Variants in FGD3 observed in about 807,000 individuals in gnomAD.
FGD3 encodes the protein FYVE, RhoGEF and PH domain-containing protein 3.
FGD3 carries 45 observed loss-of-function variants against 71.8 expected under a neutral mutation model. That is an observed-to-expected ratio of 0.63 (90% CI 0.49 to 0.80). The LOEUF is 0.80. FGD3 is among the 30% of genes least tolerant of loss of function. The pLI, the probability that FGD3 is intolerant of heterozygous loss-of-function variation, is 0.00. For missense variants in FGD3, 844 were observed against 951.5 expected, an observed-to-expected ratio of 0.89 and a Z score of 1.49; for synonymous variants, 378 against 392.8, an observed-to-expected ratio of 0.96 and a Z score of 0.44.
At chr9:92,978,020 C>T (rs1292692176) in intron 3 of FGD3, among the ~76,000 whole-genome samples, 1 of 152,176 alleles carries the variant, frequency 6.6e-6, no homozygotes, top group Non-Finnish European at 1.5e-5. Flanking sequence ...CGGTGGCTCA[C>T]GCCTATAATC....
intron 1 of FGD3, among the ~76,000 whole-genome samples, chr9:92,961,513 T>G (rs1007974978): frequency 1.3e-5 from 2 of 152,334 alleles, no homozygotes; most frequent in Admixed American, 6.5e-5. Context: ...TGGTGGTTGC[T>G]TCTCCACTGT....
chr9:93,035,250 G>C (rs1413517114), intron 17 of FGD3, 88 bp from the exon 18 acceptor site: 1 of 1,518,054 alleles, frequency 6.6e-7, no homozygotes, highest in Non-Finnish European at 8.8e-7. Context: ...GGGTCTGGGA[G>C]TGGCCTCCTG....
chr9:92,951,484 C>A (rs1432948355), intron 1 of FGD3, among the ~76,000 whole-genome samples: 1 of 152,174 alleles, frequency 6.6e-6, no homozygotes, highest in Non-Finnish European at 1.5e-5. Flanking sequence ...CAAGACCAGG[C>A]TGGGCAACAT....
At chr9:92,978,282 CAA>C (rs372703604) in intron 3 of FGD3, among the ~76,000 whole-genome samples, 16 of 85,048 alleles carry the variant, frequency 1.9e-4, no homozygotes, top group Non-Finnish European at 2.1e-4. Context: ...AACTCCATCT[CAA>C]AAAAAAAAAA....
chr9:92,983,350 G>A lies in FGD3; in HGVS notation c.453+6641G>A, dbSNP rs144409265. 1.9e-3 allele frequency among the ~76,000 whole-genome samples: 290 copies of A among 151,420 alleles called. 3 individuals carry two copies. In the East Asian group the frequency reaches 0.029, roughly 15 times the overall value. ...ATCCTGACTAATATGGTGAAACCCC[G>A]TCTCTACTAAAAATACAAAAAAAAA... On this transcript the variant is annotated intron_variant, in intron 3 of 17. Transcript: ENST00000375482.
intron 3 of FGD3, among the ~76,000 whole-genome samples, chr9:92,985,063 G>C (rs941788367): frequency 1.3e-5 from 2 of 152,186 alleles, no homozygotes; most frequent in African/African-American, 2.4e-5. Flanking sequence ...CTGTCCTGGG[G>C]GCCCTTCAGC....
chr9:92,965,109 G>T (rs977037927), intron 1 of FGD3, among the ~76,000 whole-genome samples: 1 of 152,178 alleles, frequency 6.6e-6, no homozygotes, highest in Admixed American at 6.5e-5. Context: ...CGGCAGTGGC[G>T]GCACAACCCG....
At position 93,022,217 on chromosome 9, in the gene FGD3, C is replaced by G. The variant is rs1439480399; in HGVS notation, c.1495-110C>G. The G allele has an allele frequency of 6.6e-6, 7 of 1,059,398 alleles. No homozygotes were observed. The East Asian group carries it at 1.5e-4, about 23-fold the overall frequency. The allele number at this position is 1,059,398 out of a possible 1,614,324, so 65.6% of individuals were successfully genotyped here. A position where few individuals can be genotyped will look rare whatever the true frequency, so the allele number is the denominator to read the frequency against. On this transcript the variant is annotated intron_variant, in intron 13 of 17. Transcript: ENST00000375482. ...AGGCCTGGGAAATCCTGCTCCCGAG[C>G]CTGCCCTCAATGCACAGAGGTGCTG...
chr9:93,020,394 T>C lies in FGD3; in HGVS notation c.1464T>C (p.Asp488=). 1 of 1,612,736 alleles carries C rather than the reference T, an allele frequency of 6.2e-7. No homozygotes were observed. The highest frequency in any genetic ancestry group is 8.5e-7 in the Non-Finnish European group (1 of 1,179,822). ...FKAFGGAFSQ[D]EDPSLSPDMP... is the part of the protein sequence containing the mutation. ...CTTTTGGTGGCGCCTTCAGCCAGGA[T>C]GAGGACCCCAGCCTCTCTCCAGACA... Residue 488 remains aspartate, a synonymous_variant, in exon 13 of 18, where the codon GAT becomes GAC. Coordinates refer to ENST00000375482, the MANE Select transcript of FGD3 (RefSeq NM_001083536.2).
At chr9:93,031,025 G>T (rs1378498617) in intron 15 of FGD3, among the ~76,000 whole-genome samples, 1 of 152,026 alleles carries the variant, frequency 6.6e-6, no homozygotes, top group Admixed American at 6.5e-5. Context: ...TAGATGAATG[G>T]TTGGATGGAT....
chr9:92,990,880 C>CT (rs1178678656), intron 3 of FGD3, among the ~76,000 whole-genome samples: 1 of 151,968 alleles, frequency 6.6e-6, no homozygotes, highest in Non-Finnish European at 1.5e-5. Context: ...CTGTAGTTTT[C>CT]TTTTTTGTTG....
At chr9:93,019,719 TGC>T (rs1194834058) in intron 11 of FGD3, 110 bp from the exon 12 acceptor site, 5 of 1,024,410 alleles carry the variant, frequency 4.9e-6, no homozygotes, top group Non-Finnish European at 7.6e-6. Flanking sequence ...ATCCTTGAGC[TGC>T]GTTGACAAGC....
At chr9:93,014,193 A>G (rs2118762511) in intron 9 of FGD3, among the ~76,000 whole-genome samples, 195 bp downstream of exon 9, 1 of 152,180 alleles carries the variant, frequency 6.6e-6, no homozygotes, top group African/African-American at 2.4e-5. Flanking sequence ...CCACATCCAG[A>G]CACCAAACTT....
At chr9:92,961,992 A>G (rs532479548) in intron 1 of FGD3, among the ~76,000 whole-genome samples, 7 of 152,286 alleles carry the variant, frequency 4.6e-5, no homozygotes, top group African/African-American at 7.2e-5. Context: ...GGTCAGCTCT[A>G]TTCACAGTGG....
chr9:93,001,591 G>A (rs1860860986), intron 3 of FGD3, among the ~76,000 whole-genome samples: 1 of 152,154 alleles, frequency 6.6e-6, no homozygotes, highest in Admixed American at 6.5e-5. Context: ...ACCCAAGATG[G>A]GTCCTGGCAC....
intron 1 of FGD3, among the ~76,000 whole-genome samples, chr9:92,961,938 C>T (rs988049790): frequency 2.5e-4 from 38 of 152,212 alleles, no homozygotes; most frequent in African/African-American, 8.9e-4. Context: ...TTGGAAGTCA[C>T]CTTCATCATT....
At chr9:92,962,316 G>T (rs964940397) in intron 1 of FGD3, among the ~76,000 whole-genome samples, 1 of 152,220 alleles carries the variant, frequency 6.6e-6, no homozygotes, top group Non-Finnish European at 1.5e-5. Flanking sequence ...ACCTGGGTTT[G>T]TGTCCCTGGT....
chr9:92,986,594 T>C (rs1860195571), intron 3 of FGD3, among the ~76,000 whole-genome samples: 1 of 152,176 alleles, frequency 6.6e-6, no homozygotes, highest in African/African-American at 2.4e-5. Flanking sequence ...GGGCTTGGGG[T>C]AAGAACTTGC....
rs1182083868 is a variant in FGD3 at position 92,969,556 on chromosome 9, C to T, written c.-217-5682C>T. 6.6e-6 allele frequency among the ~76,000 whole-genome samples: 1 copy of T among 152,216 alleles called. No homozygotes were observed. Among genetic ancestry groups the T allele is most frequent in the Non-Finnish European group, 1.5e-5 (1 of 68,034 alleles). Reference sequence around the variant, plus strand: ...ATAACATGCCATTGTTATGGAGCCTCCTGTGTGCCGGGGGCCACTGGGCCA... The same window carrying T: ...ATAACATGCCATTGTTATGGAGCCTTCTGTGTGCCGGGGGCCACTGGGCCA... On this transcript the variant is annotated intron_variant, in intron 1 of 17. Transcript: ENST00000375482. The surrounding 1 kb of genome is among the most constrained non-coding windows in gnomAD (Gnocchi z 4.5).
Sources: allele counts gnomAD v4.1 joint callset (sites outside exome capture counted in the v4.1 genomes callset), GRCh38; gene constraint gnomAD v4.1.1; non-coding constraint Gnocchi (gnomAD v3.1); transcripts MANE v1.5; gene names NCBI Gene and HGNC (gene_info 2026-07-23, HGNC 2026-07-21).